RCAN3: variants seen among roughly 807,000 people sequenced by gnomAD.
RCAN3 encodes calcipressin-3.
RCAN3 carries 19 observed loss-of-function variants against 21.9 expected under a neutral mutation model. The observed-to-expected ratio is 0.87, with a 90% CI of 0.61 to 1.27. RCAN3 has a LOEUF of 1.27. Among genes scored for constraint, RCAN3 ranks in the 50% most tolerant of loss-of-function variants. The pLI, the probability that RCAN3 is intolerant of heterozygous loss-of-function variation, is 0.00. For synonymous variants in RCAN3, 114 were observed against 112.3 expected, an observed-to-expected ratio of 1.01 and a Z score of -0.09; for missense variants, 240 against 300.1, an observed-to-expected ratio of 0.80 and a Z score of 1.48.
intron 1 of RCAN3, among the ~76,000 whole-genome samples, chr1:24,513,003 C>G (rs1028550909): frequency 6.6e-6 from 1 of 151,752 alleles, no homozygotes; most frequent in African/African-American, 2.4e-5. Flanking sequence ...TTTAGGAGGC[C>G]GAGTTGGGCG....
intron 2 of RCAN3, among the ~76,000 whole-genome samples, chr1:24,523,641 C>T (rs142192498): frequency 0.23 from 31,942 of 141,434 alleles, 4,604 homozygotes; most frequent in African/African-American, 0.43. Context: ...CACACACACA[C>T]ATATATATTT....
At chr1:24,521,072 G>A (rs1193313282) in intron 2 of RCAN3, among the ~76,000 whole-genome samples, 1 of 152,150 alleles carries the variant, frequency 6.6e-6, no homozygotes, top group Non-Finnish European at 1.5e-5. Context: ...TAAAGCCATG[G>A]TAATCAAAAC....
chr1:24,508,982 A>C (rs958648083), intron 1 of RCAN3, among the ~76,000 whole-genome samples: 1 of 152,112 alleles, frequency 6.6e-6, no homozygotes, highest in Non-Finnish European at 1.5e-5. Flanking sequence ...GCAACATGGC[A>C]AAACCCCATC....
intron 2 of RCAN3, among the ~76,000 whole-genome samples, chr1:24,522,374 T>G (rs1418863563): frequency 1.3e-5 from 2 of 152,186 alleles, no homozygotes; most frequent in East Asian, 3.9e-4. Flanking sequence ...GCCTTATTGA[T>G]GCATGCACAG....
At chr1:24,521,955 G>A (rs1258935799) in intron 2 of RCAN3, among the ~76,000 whole-genome samples, 1 of 152,126 alleles carries the variant, frequency 6.6e-6, no homozygotes, top group Non-Finnish European at 1.5e-5. Context: ...GCTTGTATGG[G>A]ATGATGGAAA....
rs1647202140 is a variant in RCAN3, at chr1:24,502,914, G to T, written c.-296G>T. ...GACACCGCCCTAGTCCCAGCCCAGG[G>T]GGCCGCTCTCGCCGGCGTCGAGGGC... On this transcript the variant is annotated 5_prime_UTR_variant, in exon 1 of 5. Transcript: ENST00000374395. 6.7e-6 allele frequency: 1 copy of T among 150,138 alleles called. No homozygotes were observed. Among genetic ancestry groups the T allele is most frequent in the African/African-American group, 2.4e-5 (1 of 41,242 alleles). 9.3% of individuals were successfully genotyped at this position (150,138 alleles called of 1,614,324 possible). A position where few individuals can be genotyped will look rare whatever the true frequency, so the allele number is the denominator to read the frequency against.
rs539938450 is a variant in RCAN3, at chr1:24,540,204, A to C, written c.*4927A>C. 6.6e-6 allele frequency: 1 copy of C among 152,432 alleles called. No individual in the cohort carries two copies. Among genetic ancestry groups the C allele is most frequent in the East Asian group, 1.9e-4 (1 of 5,192 alleles). 9.4% of individuals were successfully genotyped at this position (152,432 alleles called of 1,614,324 possible). ...AGCAACAACTGCTGGGTTCACTGAC[A>C]AAGATTATAAAAATCATCACGTTCA... On this transcript the variant is annotated 3_prime_UTR_variant, in exon 5 of 5. Coordinates refer to ENST00000374395, the MANE Select transcript of RCAN3 (RefSeq NM_013441.4).
intron 1 of RCAN3, among the ~76,000 whole-genome samples, chr1:24,506,292 A>G (rs544603678): frequency 1.3e-5 from 2 of 152,356 alleles, no homozygotes; most frequent in South Asian, 2.1e-4. Context: ...AAATATAGAT[A>G]TCTTGGGACA....
chr1:24,532,376 G>GCA (rs1248122965), intron 3 of RCAN3, among the ~76,000 whole-genome samples: 2 of 151,972 alleles, frequency 1.3e-5, no homozygotes, highest in Non-Finnish European at 2.9e-5. Flanking sequence ...ACAGGCATAT[G>GCA]CCACCACACC....
Position 24,524,033 on chromosome 1 carries a change from C to T in RCAN3, c.196-7185C>T, listed in dbSNP as rs191933330. Among the ~76,000 whole-genome samples the T allele has an allele frequency of 2.1e-4, 32 of 152,172 alleles. 2 individuals carry two copies. In the East Asian group the frequency reaches 2.1e-3, roughly 10 times the overall value. ...CCTGAGGTCAGGAGTTCGAGACCAG[C>T]CTGGCCAACATAGCAAAACCCCATC... is the stretch of plus-strand genomic sequence containing the variant. On this transcript the variant is annotated intron_variant, in intron 2 of 4. Coordinates refer to ENST00000374395, the MANE Select transcript of RCAN3 (RefSeq NM_013441.4).
At chr1:24,516,084 A>G (rs573905152) in intron 2 of RCAN3, among the ~76,000 whole-genome samples, 1 of 152,236 alleles carries the variant, frequency 6.6e-6, no homozygotes, top group East Asian at 1.9e-4. Context: ...CAGAGGTTGC[A>G]GTGAGCGGAG....
At chr1:24,524,894 A>G (rs1649141298) in intron 2 of RCAN3, among the ~76,000 whole-genome samples, 2 of 150,058 alleles carry the variant, frequency 1.3e-5, no homozygotes, top group Non-Finnish European at 3.0e-5. Context: ...CAGTGGCACA[A>G]TCACAGCTCT....
At position 24,538,706 on chromosome 1, in the gene RCAN3, C is replaced by T. The variant is rs979709200; in HGVS notation, c.*3429C>T. 1.3e-5 allele frequency: 2 copies of T among 151,922 alleles called. No homozygotes were observed. The highest frequency in any genetic ancestry group is 2.4e-5 in the African/African-American group (1 of 41,320). The allele number at this position is 151,922 out of a possible 1,614,324, so 9.4% of individuals were successfully genotyped here. A position where few individuals can be genotyped will look rare whatever the true frequency, so the allele number is the denominator to read the frequency against. ...GGGATTAACCAGGCGTGAGCCACTG[C>T]GCCCGGCCTTAAATAAAATATTGTA... On this transcript the variant is annotated 3_prime_UTR_variant, in exon 5 of 5. Transcript: ENST00000374395.
intron 2 of RCAN3, among the ~76,000 whole-genome samples, chr1:24,516,068 G>A (rs1648292443): frequency 6.6e-6 from 1 of 152,130 alleles, no homozygotes. Flanking sequence ...GCTTGAACCT[G>A]GGAGGCAGAG....
Position 24,531,362 on chromosome 1 carries a change from G to A in RCAN3, c.340G>A (p.Gly114Arg). ...RIELHETDFN[G>R]QKLKLYFAQV... ...AGAACTCCACGAAACAGACTTCAAT[G>A]GGCAGAAGCTAAAGCTATATTTTGC... Residue 114 changes from glycine to arginine, a missense_variant, in exon 3 of 5, where the codon GGG becomes AGG. By Grantham distance (125) the Gly-to-Arg change is moderately radical. Coordinates refer to ENST00000374395, the MANE Select transcript of RCAN3 (RefSeq NM_013441.4). 2 of 1,613,086 alleles carry A rather than the reference G, an allele frequency of 1.2e-6. No individual in the cohort carries two copies. The highest frequency in any genetic ancestry group is 1.7e-6 in the Non-Finnish European group (2 of 1,179,618).
In RCAN3 at chr1:24,535,372, GAGACT is replaced by G; in HGVS notation, c.*96_*100del. On this transcript the variant is annotated 3_prime_UTR_variant, in exon 5 of 5. Transcript: ENST00000374395. Reference sequence around the variant, plus strand: ...ATGCGTTGCTGCGAACAGCATAGGTGAGACTCTGCCGAGTGAGGTATAGGTCTTCT... The same window carrying G: ...ATGCGTTGCTGCGAACAGCATAGGTGCTGCCGAGTGAGGTATAGGTCTTCT... The G allele has an allele frequency of 7.3e-7, 1 of 1,365,936 alleles. No individual in the cohort carries two copies. Among genetic ancestry groups the G allele is most frequent in the Non-Finnish European group, 9.7e-7 (1 of 1,032,174 alleles). 84.6% of individuals were successfully genotyped at this position (1,365,936 alleles called of 1,614,324 possible).
chr1:24,530,040 C>A lies in RCAN3; in HGVS notation c.196-1178C>A, dbSNP rs896279189. Among the ~76,000 whole-genome samples, 3 of 149,568 alleles carry A rather than the reference C, an allele frequency of 2.0e-5. No homozygotes were observed. The East Asian group carries it at 5.9e-4, about 29-fold the overall frequency. On this transcript the variant is annotated intron_variant, in intron 2 of 4. Coordinates refer to ENST00000374395, the MANE Select transcript of RCAN3 (RefSeq NM_013441.4). ...CAAAATTAAACGAACTGGTGGAGAA[C>A]AGCTGAAACAGTACTTAGAAATGGA...
chr1:24,515,790 G>T (rs1196312480), intron 2 of RCAN3, among the ~76,000 whole-genome samples: 1 of 152,110 alleles, frequency 6.6e-6, no homozygotes, highest in Non-Finnish European at 1.5e-5. Context: ...GCAGAATCAA[G>T]GCCAGGCAGC....
intron 1 of RCAN3, among the ~76,000 whole-genome samples, chr1:24,514,088 TAATA>T (rs1648099925): frequency 6.6e-6 from 1 of 152,242 alleles, no homozygotes; most frequent in South Asian, 2.1e-4. Flanking sequence ...CTTTTTTTCT[TAATA>T]AATCATTGCC....
Sources: gnomAD v4.1 joint callset for allele counts (sites outside exome capture counted in the v4.1 genomes callset) on GRCh38, gnomAD v4.1.1 for gene constraint, MANE v1.5 for transcripts, NCBI Gene and HGNC (gene_info 2026-07-23, HGNC 2026-07-21) for gene names.